The following SV2C variants were observed in gnomAD, a reference collection of about 807,000 sequenced individuals.
SV2C encodes solute carrier family 22 member B3.
A neutral mutation model predicts 79.7 loss-of-function variants in SV2C; 49 were observed. The observed-to-expected ratio is 0.61, with a 90% CI of 0.49 to 0.78. The LOEUF (loss-of-function observed/expected upper bound fraction) is 0.78. Among genes scored for constraint, SV2C ranks in the 30% least tolerant of loss-of-function variants. SV2C has a pLI of 0.00. For missense variants in SV2C, 833 were observed against 912.9 expected (o/e 0.91, Z 1.13); for synonymous variants, 334 against 333.2 (o/e 1.00, Z -0.03).
At chr5:75,916,846 C>A in the SV2C span, among the ~76,000 whole-genome samples, 1 of 152,188 alleles carries the variant, frequency 6.6e-6, no homozygotes, top group African/African-American at 2.4e-5. Flanking sequence ...GGCTGTTCCC[C>A]CAGTGCCAGC....
chr5:75,932,943 G>A, the SV2C span, among the ~76,000 whole-genome samples: 4 of 152,100 alleles, frequency 2.6e-5, no homozygotes, highest in South Asian at 2.1e-4. Flanking sequence ...ATCATAATAC[G>A]CTGTATCATC....
At chr5:76,303,453 AC>A in intron 12 of SV2C, among the ~76,000 whole-genome samples, 1 of 152,300 alleles carries the variant, frequency 6.6e-6, no homozygotes, top group East Asian at 1.9e-4. Context: ...AGCAGAGAGA[AC>A]CTGTCTCAAA....
the SV2C span, among the ~76,000 whole-genome samples, chr5:76,009,706 G>A: frequency 8.5e-5 from 13 of 152,096 alleles, no homozygotes; most frequent in Admixed American, 7.2e-4. Context: ...ACTAAACATT[G>A]GGTACACATG....
chr5:76,152,488 T>G (rs747934511), intron 2 of SV2C, among the ~76,000 whole-genome samples: 1 of 152,254 alleles, frequency 6.6e-6, no homozygotes, highest in Non-Finnish European at 1.5e-5. Flanking sequence ...CTGGGTCAGC[T>G]GCTGCTATCT....
At chr5:75,934,190 C>T in the SV2C span, among the ~76,000 whole-genome samples, 10 of 152,138 alleles carry the variant, frequency 6.6e-5, no homozygotes, top group Non-Finnish European at 1.3e-4. Flanking sequence ...GCAATGAGCA[C>T]CTTAATTCTT....
rs113745478 is a variant in SV2C at position 76,244,256 on chromosome 5, T to C, written c.913+34369T>C. On this transcript the variant is annotated intron_variant, in intron 4 of 12. Coordinates refer to ENST00000502798, the MANE Select transcript of SV2C (RefSeq NM_014979.4). ...TCAAATGAAGTATTTCTGGTGTGGA[T>C]TGGGGCTGGCCACATGTAGGATATC... 3.6e-3 allele frequency among the ~76,000 whole-genome samples: 553 copies of C among 152,304 alleles called. 4 individuals are homozygous for C. The highest frequency in any genetic ancestry group is 0.012 in the African/African-American group (515 of 41,566).
intron 3 of SV2C, among the ~76,000 whole-genome samples, chr5:76,206,361 A>G (rs142627090): frequency 1.9e-3 from 288 of 152,322 alleles, no homozygotes; most frequent in Middle Eastern, 6.8e-3. Flanking sequence ...GGGATTGCCC[A>G]GTGTCCCCTG....
At chr5:76,159,572 C>T (rs1158975216) in intron 2 of SV2C, among the ~76,000 whole-genome samples, 1 of 152,028 alleles carries the variant, frequency 6.6e-6, no homozygotes, top group Non-Finnish European at 1.5e-5. Context: ...TGAGTAGAAT[C>T]CTTCCTTTCC....
At chr5:76,075,680 G>T in the SV2C span, 1 of 345,056 alleles carries the variant, frequency 2.9e-6, no homozygotes, top group South Asian at 2.6e-5. Flanking sequence ...TAACTGACTA[G>T]ATTAGTAAAA....
At chr5:76,185,904 A>G (rs558753978) in intron 2 of SV2C, among the ~76,000 whole-genome samples, 6 of 152,330 alleles carry the variant, frequency 3.9e-5, no homozygotes, top group African/African-American at 1.4e-4. Flanking sequence ...TTTCTTTTCT[A>G]TCACATCATC....
At chr5:76,028,544 A>G in the SV2C span, among the ~76,000 whole-genome samples, 5 of 152,228 alleles carry the variant, frequency 3.3e-5, no homozygotes, top group African/African-American at 9.6e-5. Context: ...TTGTTTACAC[A>G]GTGGCAGCAA....
the SV2C span, among the ~76,000 whole-genome samples, chr5:75,934,387 A>G: frequency 2.1e-5 from 3 of 141,464 alleles, no homozygotes; most frequent in Non-Finnish European, 3.0e-5. Context: ...CCCTGATTCA[A>G]ATGATTCTCC....
In SV2C at chr5:76,300,830, T is replaced by C. The variant is rs375494365; in HGVS notation, c.1738T>C (p.Tyr580His). The change falls in exon 11 of 13, where the codon TAC (tyrosine) becomes CAC (histidine). Residue 580 changes from tyrosine to histidine, a missense_variant. By Grantham distance (83) the Tyr-to-His change is moderately conservative. Transcript: ENST00000502798. ...QITFDDDYSA[Y>H]WIYFVNFLGT... is the part of the protein sequence containing the mutation. ...TACCTTTGATGATGACTATAGTGCCTACTGGATTTATTTTGTCAACTTTCT... is the reference window on the plus strand; with the variant it reads ...TACCTTTGATGATGACTATAGTGCCCACTGGATTTATTTTGTCAACTTTCT... 93 of 1,614,084 alleles carry C rather than the reference T, an allele frequency of 5.8e-5. No homozygotes were observed. The highest frequency in any genetic ancestry group is 2.7e-5 in the Non-Finnish European group (32 of 1,180,018).
intron 4 of SV2C, among the ~76,000 whole-genome samples, chr5:76,267,393 A>AATACATCTAT (rs1255223099): frequency 3.3e-5 from 5 of 152,208 alleles, no homozygotes; most frequent in Non-Finnish European, 7.3e-5. Flanking sequence ...ATATTAAAAA[A>AATACATCTAT]ATACATCTAT....
intron 4 of SV2C, among the ~76,000 whole-genome samples, chr5:76,234,638 C>A (rs187305966): frequency 3.3e-5 from 5 of 152,176 alleles, no homozygotes; most frequent in Non-Finnish European, 7.3e-5. Flanking sequence ...TCACTGCCAC[C>A]GTCCTTAAAA....
chr5:76,274,736 G>A (rs1746971986), intron 4 of SV2C, among the ~76,000 whole-genome samples: 1 of 145,150 alleles, frequency 6.9e-6, no homozygotes, highest in Admixed American at 7.0e-5. Flanking sequence ...AATCTCTGCT[G>A]GTATTAGCAA....
chr5:76,220,749 G>A (rs1005030911), intron 4 of SV2C, among the ~76,000 whole-genome samples: 2 of 152,246 alleles, frequency 1.3e-5, no homozygotes, highest in Admixed American at 6.5e-5. Context: ...GGCTGGTGTA[G>A]TAGCTCAGCG....
chr5:75,906,986 T>A, the SV2C span, among the ~76,000 whole-genome samples: 36,799 of 152,160 alleles, frequency 0.24, 4,975 homozygotes, highest in East Asian at 0.42. Context: ...AGCGCTGATA[T>A]TGAGAAACTC....
At chr5:76,050,417 T>A in the SV2C span, among the ~76,000 whole-genome samples, 1 of 152,268 alleles carries the variant, frequency 6.6e-6, no homozygotes, top group East Asian at 1.9e-4. Flanking sequence ...CTAGAGGATC[T>A]TCATTGTCAG....
Sources: gnomAD v4.1 joint callset for allele counts (sites outside exome capture counted in the v4.1 genomes callset) on GRCh38, gnomAD v4.1.1 for gene constraint, MANE v1.5 for transcripts, NCBI Gene and HGNC (gene_info 2026-07-23, HGNC 2026-07-21) for gene names.